The following COL4A3 variants were observed in gnomAD, a reference collection of about 807,000 sequenced individuals.
COL4A3 encodes the protein collagen alpha-3(IV) chain.
In COL4A3, 135 loss-of-function variants were observed where a neutral mutation model predicts 217.4. The ratio of observed to expected loss-of-function variants is 0.62; its 90% confidence interval spans 0.54 to 0.72. COL4A3 has a LOEUF of 0.72. Ranked by LOEUF, COL4A3 falls within the 30% of genes least tolerant of loss-of-function variation. COL4A3 has a pLI of 0.00. For missense variants in COL4A3, 1,868 were observed against 2,119.9 expected (o/e 0.88, Z 2.33); for synonymous variants, 690 against 736.3 (o/e 0.94, Z 1.02).
In COL4A3 at chr2:227,264,150, G is replaced by A. The variant is rs987491195; in HGVS notation, c.1315+206G>A. ...AACAAATGCAGCAAAGTCTTAGCCCGAGTTTCCCAGAGAGCAGAGTAGGAG... is the reference window on the plus strand; with the variant it reads ...AACAAATGCAGCAAAGTCTTAGCCCAAGTTTCCCAGAGAGCAGAGTAGGAG... On this transcript the variant is annotated intron_variant, in intron 21 of 51. Coordinates refer to ENST00000396578, the MANE Select transcript of COL4A3 (RefSeq NM_000091.5). Among the ~76,000 whole-genome samples the A allele has an allele frequency of 4.6e-5, 7 of 152,324 alleles. No individual in the cohort carries two copies. The East Asian group carries it at 5.8e-4, about 13-fold the overall frequency.
intron 1 of COL4A3, among the ~76,000 whole-genome samples, chr2:227,178,671 T>C (rs1187442413): frequency 6.6e-6 from 1 of 152,064 alleles, no homozygotes; most frequent in Non-Finnish European, 1.5e-5. Context: ...TAGCTGGGAT[T>C]ACAGGCACAC....
At chr2:227,254,442 C>A (rs1357964709) in intron 14 of COL4A3, among the ~76,000 whole-genome samples, 1 of 152,154 alleles carries the variant, frequency 6.6e-6, no homozygotes, top group Non-Finnish European at 1.5e-5. Flanking sequence ...TACATGCACC[C>A]AATGCCACCC....
At chr2:227,196,020 A>G (rs1379726915) in intron 1 of COL4A3, among the ~76,000 whole-genome samples, 1 of 152,164 alleles carries the variant, frequency 6.6e-6, no homozygotes, top group Non-Finnish European at 1.5e-5. Context: ...AGCTAGCTGT[A>G]CCATGTGTTT....
rs375766511 is a variant in COL4A3, at chr2:227,270,859, C to G, written c.1665C>G (p.Asp555Glu). ...QPEGQVGVPG[D>E]PGLRGQPGRK... ...AGGGGCAAGTGGGTGTCCCAGGTGA[C>G]CCGGGGCTCAGAGGCCAACCTGGGA... Residue 555 changes from aspartate (D) to glutamate (E), a missense_variant, in exon 25 of 52, where the codon GAC (aspartate) becomes GAG (glutamate). This residue lies in a region of COL4A3 where 1,503 missense variants were observed against 1,786.1 expected (regional missense o/e 0.84). Coordinates refer to ENST00000396578, the MANE Select transcript of COL4A3 (RefSeq NM_000091.5). The G allele has an allele frequency of 3.1e-6, 5 of 1,614,010 alleles. No individual in the cohort carries two copies. In the African/African-American group the frequency reaches 4.0e-5, roughly 13 times the overall value.
At chr2:227,203,288 C>T (rs2066897771) in intron 1 of COL4A3, among the ~76,000 whole-genome samples, 2 of 69,420 alleles carry the variant, frequency 2.9e-5, no homozygotes, top group Non-Finnish European at 5.7e-5. Context: ...TGTATATATA[C>T]ATATATGTGT....
chr2:227,164,752 C>T lies in COL4A3; in HGVS notation c.26C>T (p.Pro9Leu), dbSNP rs773820821. MSARTAPR[P>L]QVLLLPLLLV... ...ATGAGCGCCCGGACCGCCCCCAGGC[C>T]GCAGGTGCTCCTGCTGCCGCTCCTG... The change falls in exon 1 of 52, where the codon CCG becomes CTG. Residue 9 changes from proline to leucine, a missense_variant. Physicochemically the swap from Pro to Leu is moderately conservative, Grantham distance 98. Transcript: ENST00000396578. The surrounding 1 kb of genome is among the most constrained non-coding windows in gnomAD (Gnocchi z 4.8). 99 of 1,526,230 alleles carry T rather than the reference C, an allele frequency of 6.5e-5. No individual in the cohort carries two copies. Among genetic ancestry groups the T allele is most frequent in the Non-Finnish European group, 8.2e-5 (94 of 1,143,678 alleles). The allele number at this position is 1,526,230 out of a possible 1,614,324, so 94.5% of individuals were successfully genotyped here.
chr2:227,208,856 CAA>C (rs2067204831), intron 1 of COL4A3, among the ~76,000 whole-genome samples: 1 of 142,988 alleles, frequency 7.0e-6, no homozygotes, highest in African/African-American at 2.6e-5. Flanking sequence ...GAGCAAAAAA[CAA>C]AGAAAGAGGA....
rs1207621078 is a variant in COL4A3 at position 227,305,067 on chromosome 2, T to C, written c.4236T>C (p.Gly1412=). The C allele has an allele frequency of 1.9e-6, 3 of 1,613,412 alleles. No homozygotes were observed. Among genetic ancestry groups the C allele is most frequent in the African/African-American group, 2.7e-5 (2 of 74,872 alleles). ...PGPAGEKGNK[G]SKGEPGPAGS... ...CAGCTGGAGAAAAAGGCAACAAAGG[T>C]TCTAAAGGAGAGCCAGGTAAACCCC... The change falls in exon 47 of 52, where the codon GGT becomes GGC. Residue 1412 remains glycine, a synonymous_variant. Transcript: ENST00000396578.
At position 227,186,841 on chromosome 2, in the gene COL4A3, T is replaced by C. The variant is rs964921796; in HGVS notation, c.87+22028T>C. On this transcript the variant is annotated intron_variant, in intron 1 of 51. Transcript: ENST00000396578. ...AACAGACATTTATTTCTCACAATTC[T>C]GGAGGCTGGGAATTGCAATATCAAG... Among the ~76,000 whole-genome samples, 3 of 150,300 alleles carry C rather than the reference T, an allele frequency of 2.0e-5. No homozygotes were observed. The South Asian group carries it at 6.5e-4, about 32-fold the overall frequency.
At chr2:227,245,128 T>A in intron 5 of COL4A3, 133 bp downstream of exon 5, 1 of 808,500 alleles carries the variant, frequency 1.2e-6, no homozygotes, top group South Asian at 1.4e-5. Flanking sequence ...CTTAGGATGG[T>A]ATATTATACT....
At chr2:227,224,646 T>A (rs1260125913) in intron 1 of COL4A3, among the ~76,000 whole-genome samples, 1 of 151,894 alleles carries the variant, frequency 6.6e-6, no homozygotes, top group Non-Finnish European at 1.5e-5. Flanking sequence ...TCCCAGCTAG[T>A]CAGGAGGCTG....
intron 1 of COL4A3, among the ~76,000 whole-genome samples, chr2:227,212,824 C>G (rs1574584454): frequency 1.3e-5 from 2 of 152,306 alleles, no homozygotes; most frequent in South Asian, 4.1e-4. Context: ...ATATTCTTAG[C>G]TCTCACTCTG....
At chr2:227,242,651 G>A (rs908187285) in intron 3 of COL4A3, among the ~76,000 whole-genome samples, 2 of 152,058 alleles carry the variant, frequency 1.3e-5, no homozygotes, top group Non-Finnish European at 2.9e-5. Flanking sequence ...TATTCCAAGT[G>A]AGGTCAAACA....
chr2:227,218,214 C>T (rs929972953), intron 1 of COL4A3, among the ~76,000 whole-genome samples: 3 of 151,738 alleles, frequency 2.0e-5, no homozygotes, highest in East Asian at 1.9e-4. Flanking sequence ...CGCCTGTAAT[C>T]GCAGCACTTT....
rs138860391 is a variant in COL4A3, at chr2:227,250,636, G to A, written c.547-504G>A. On this transcript the variant is annotated intron_variant, in intron 9 of 51. Coordinates refer to ENST00000396578, the MANE Select transcript of COL4A3 (RefSeq NM_000091.5). The surrounding 1 kb of genome is among the most constrained non-coding windows in gnomAD (Gnocchi z 4.1). ...AATGCTAAAAGTAAAAATAATGCAC[G>A]AAAGCAGGATAGGAAGTGTCTGGGT... Among the ~76,000 whole-genome samples, 2,122 of 152,260 alleles carry A rather than the reference G, an allele frequency of 0.014. 39 individuals are homozygous for A. The highest frequency in any genetic ancestry group is 0.016 in the Non-Finnish European group (1,058 of 68,022).
Position 227,307,890 on chromosome 2 carries a change from G to T in COL4A3, c.4433G>T (p.Gly1478Val). ...GGGTTTTCTTTTCTTTTTGTACAAG[G>T]AAATCAACGAGCCCACGGACAAGAC... ...YSGFSFLFVQ[G>V]NQRAHGQDLG... The change falls in exon 48 of 52, where the codon GGA becomes GTA. Residue 1478 changes from glycine (G) to valine (V), a missense_variant. By Grantham distance (109) the Gly-to-Val change is moderately radical. Around this residue, in one of 2 missense-constraint regions of COL4A3, gnomAD observed 1,503 missense variants for 1,786.1 expected, o/e 0.84. Coordinates refer to ENST00000396578, the MANE Select transcript of COL4A3 (RefSeq NM_000091.5). 4 of 1,614,108 alleles carry T rather than the reference G, an allele frequency of 2.5e-6. No homozygotes were observed. The highest frequency in any genetic ancestry group is 3.4e-6 in the Non-Finnish European group (4 of 1,180,020).
At chr2:227,296,001 A>G (rs143313569) in intron 41 of COL4A3, among the ~76,000 whole-genome samples, 30 of 152,326 alleles carry the variant, frequency 2.0e-4, no homozygotes, top group Admixed American at 1.4e-3. Flanking sequence ...CACGCGTCCT[A>G]TGAATGGGAG....
Position 227,298,821 on chromosome 2 carries a change from G to A in COL4A3, c.3882+9G>A. The A allele has an allele frequency of 1.2e-6, 2 of 1,612,324 alleles. No individual in the cohort carries two copies. Among genetic ancestry groups the A allele is most frequent in the Non-Finnish European group, 1.7e-6 (2 of 1,179,360 alleles). ...GACCACCAGGTCGTCTGGTGAGTAT[G>A]GATAATTATTTTGACTCATTATTAA... On this transcript the variant is annotated intron_variant, in intron 43 of 51. Coordinates refer to ENST00000396578, the MANE Select transcript of COL4A3 (RefSeq NM_000091.5).
chr2:227,265,798 T>C (rs907186552), intron 21 of COL4A3: 1 of 153,784 alleles, frequency 6.5e-6, no homozygotes, highest in African/African-American at 2.4e-5. Context: ...AATAAAGGCA[T>C]ATCCGAGACT....
Sources: gnomAD v4.1 joint callset for allele counts (sites outside exome capture counted in the v4.1 genomes callset) on GRCh38, gnomAD v4.1.1 for gene constraint, gnomAD v4.1.1 regional missense constraint, Gnocchi (gnomAD v3.1) non-coding constraint, MANE v1.5 for transcripts, NCBI Gene and HGNC (gene_info 2026-07-23, HGNC 2026-07-21) for gene names.